CPA5: variants seen among roughly 807,000 people sequenced by gnomAD.
The protein encoded by CPA5 is carboxypeptidase A5.
CPA5 carries 38 observed loss-of-function variants against 52.2 expected under a neutral mutation model. The observed-to-expected ratio is 0.73, with a 90% CI of 0.56 to 0.95. The LOEUF is 0.95. Ranked by LOEUF, CPA5 falls within the 40% of genes least tolerant of loss-of-function variation. The pLI is 0.00. For synonymous variants in CPA5, 198 were observed against 213.7 expected (o/e 0.93, Z 0.64); for missense variants, 519 against 566.7 (o/e 0.92, Z 0.86).
intron 5 of CPA5, among the ~76,000 whole-genome samples, chr7:130,358,210 G>A (rs568896327): frequency 1.4e-4 from 22 of 152,130 alleles, no homozygotes; most frequent in African/African-American, 5.3e-4. Context: ...TGTTGCCCAG[G>A]CTGGTCTCAA....
intron 5 of CPA5, among the ~76,000 whole-genome samples, chr7:130,356,949 G>A (rs1259504561): frequency 6.6e-6 from 1 of 152,190 alleles, no homozygotes; most frequent in South Asian, 2.1e-4. Flanking sequence ...GGTCATGGTA[G>A]GCTGTTGAGA....
chr7:130,347,880 C>T (rs376540970), intron 4 of CPA5, 33 bp downstream of exon 4: 56 of 1,566,850 alleles, frequency 3.6e-5, no homozygotes, highest in Middle Eastern at 1.7e-4. Flanking sequence ...GACAACCCCA[C>T]CCCCTCCTCA....
intron 6 of CPA5, 35 bp downstream of exon 6, chr7:130,359,722 T>A: frequency 6.8e-7 from 1 of 1,468,654 alleles, no homozygotes. Context: ...GGCTCTCTTG[T>A]GTCTTTGGGC....
chr7:130,355,621 A>C (rs1204506955), intron 5 of CPA5, among the ~76,000 whole-genome samples: 1 of 152,162 alleles, frequency 6.6e-6, no homozygotes, highest in Non-Finnish European at 1.5e-5. Flanking sequence ...TGGCCAGGCC[A>C]GTCTTGAACT....
intron 3 of CPA5, 95 bp downstream of exon 3, chr7:130,346,696 A>G: frequency 1.0e-6 from 1 of 959,020 alleles, no homozygotes; most frequent in Non-Finnish European, 1.6e-6. Flanking sequence ...TGCCTGATCA[A>G]GGCGGAGAGT....
rs782000772 is a variant in CPA5 at position 130,367,509 on chromosome 7, T to G, written c.976T>G (p.Ser326Ala). The G allele has an allele frequency of 6.2e-7, 1 of 1,614,096 alleles. No homozygotes were observed. The highest frequency in any genetic ancestry group is 8.5e-7 in the Non-Finnish European group (1 of 1,180,004). ...FKALISIHSY[S>A]QMLMYPYGRL... Reference sequence around the variant, plus strand: ...GGCTCTGATCTCCATCCACAGCTACTCTCAGATGCTTATGTACCCTTACGG... The same window carrying G: ...GGCTCTGATCTCCATCCACAGCTACGCTCAGATGCTTATGTACCCTTACGG... Residue 326 changes from serine (S) to alanine (A), a missense_variant, in exon 11 of 13, where the codon TCT becomes GCT. Transcript: ENST00000474905.
intron 2 of CPA5, 152 bp downstream of exon 2, chr7:130,346,048 T>C (rs1424082640): frequency 6.5e-6 from 1 of 153,680 alleles, no homozygotes; most frequent in Admixed American, 6.5e-5. Context: ...CCACACCTTA[T>C]GTGTAAGGAG....
In CPA5 at chr7:130,365,097, A is replaced by G. The variant is rs1444462348; in HGVS notation, c.838+1588A>G. On this transcript the variant is annotated intron_variant, in intron 10 of 12. Coordinates refer to ENST00000474905, the MANE Select transcript of CPA5 (RefSeq NM_080385.5). The stretch of plus-strand genomic sequence containing the variant: ...TTAGATCTGGATGCCCATTGCTTTT[A>G]AAATCTGGCTTCTTGGGGTCTGTTC... 2.6e-5 allele frequency among the ~76,000 whole-genome samples: 4 copies of G among 152,232 alleles called. No homozygotes were observed. In the South Asian group the frequency reaches 8.3e-4, roughly 32 times the overall value.
At chr7:130,359,810 G>C in intron 6 of CPA5, 123 bp downstream of exon 6, 1 of 656,324 alleles carries the variant, frequency 1.5e-6, no homozygotes, top group Non-Finnish European at 2.7e-6. Context: ...GACACTTAGG[G>C]ACTGTACAGC....
At chr7:130,371,033 C>G (rs1262666224), downstream of CPA5, among the ~76,000 whole-genome samples, 1 of 152,188 alleles carries the variant, frequency 6.6e-6, no homozygotes, top group African/African-American at 2.4e-5. Flanking sequence ...TTGGCCCTAG[C>G]CTAAAGCAGT....
chr7:130,349,720 AAAAATTAAAAATTACAAAAAAACCT>A, intron 4 of CPA5, among the ~76,000 whole-genome samples: 1 of 36,872 alleles, frequency 2.7e-5, no homozygotes, highest in Admixed American at 3.9e-4. Flanking sequence ...ACGTACCCAC[AAAAATTAAAAATTACAAAAAAACCT>A]GTATCCCAAA....
At chr7:130,349,057 G>T (rs887364112) in intron 4 of CPA5, among the ~76,000 whole-genome samples, 2 of 152,096 alleles carry the variant, frequency 1.3e-5, no homozygotes, top group Non-Finnish European at 2.9e-5. Context: ...GCCCCAAAGC[G>T]CAAGAGTAGT....
In CPA5 at chr7:130,363,552, G is replaced by A. The variant is rs143860104; in HGVS notation, c.838+43G>A. On this transcript the variant is annotated intron_variant, in intron 10 of 12. Transcript: ENST00000474905. ...CCTGGGGCAGGGTTGGAGAAGAGGT[G>A]TTGGCCCATGGCAGGTTCTCCCACT... 210 of 1,488,964 alleles carry A rather than the reference G, an allele frequency of 1.4e-4. No homozygotes were observed. The African/African-American group carries it at 2.5e-3, about 18-fold the overall frequency. The allele number at this position is 1,488,964 out of a possible 1,614,324, so 92.2% of individuals were successfully genotyped here.
downstream of CPA5, among the ~76,000 whole-genome samples, chr7:130,373,495 AGGCAGTTT>A (rs1279856313): frequency 6.6e-6 from 1 of 152,228 alleles, no homozygotes; most frequent in African/African-American, 2.4e-5. Context: ...CAAACCAGGC[AGGCAGTTT>A]GGAATGTGAG....
In CPA5 at chr7:130,368,685, G is replaced by A. The variant is rs1796237746; in HGVS notation, c.*88G>A. The A allele has an allele frequency of 2.2e-6, 3 of 1,333,574 alleles. No individual in the cohort carries two copies. The African/African-American group carries it at 4.4e-5, about 20-fold the overall frequency. The allele number at this position is 1,333,574 out of a possible 1,614,324, so 82.6% of individuals were successfully genotyped here. On this transcript the variant is annotated 3_prime_UTR_variant, in exon 13 of 13. Coordinates refer to ENST00000474905, the MANE Select transcript of CPA5 (RefSeq NM_080385.5). ...CCAAGTTATGCATCCCCATCCCCAT[G>A]CCCTCATCCCGACCTCTTAGAAAAT...
chr7:130,359,468 G>A (rs1470153969), intron 5 of CPA5, 121 bp from the exon 6 acceptor site: 1 of 668,862 alleles, frequency 1.5e-6, no homozygotes, highest in East Asian at 2.8e-5. Context: ...TCACACTCAT[G>A]GTGGCTCATT....
intron 12 of CPA5, 39 bp downstream of exon 12, chr7:130,368,029 T>A: frequency 1.3e-6 from 2 of 1,570,756 alleles, no homozygotes; most frequent in Non-Finnish European, 1.8e-6. Flanking sequence ...AGACACCACA[T>A]CTACCTGGGG....
Position 130,361,203 on chromosome 7 carries a change from A to G in CPA5, c.493A>G (p.Ile165Val), listed in dbSNP as rs1157604789. The G allele has an allele frequency of 5.0e-6, 8 of 1,613,972 alleles. No homozygotes were observed. Among genetic ancestry groups the G allele is most frequent in the Non-Finnish European group, 6.8e-6 (8 of 1,179,944 alleles). Reference protein sequence around the residue: ...EHSDIVSKIQIGNSFENQSIL... With the variant: ...EHSDIVSKIQVGNSFENQSIL... ...TTCCGATATTGTCTCAAAAATTCAG[A>G]TTGGCAACAGCTTTGAAAACCAGTC... Residue 165 changes from isoleucine to valine, a missense_variant, in exon 7 of 13, where the codon ATT becomes GTT. Transcript: ENST00000474905.
At chr7:130,361,639 A>G (rs1795797101) in intron 7 of CPA5, among the ~76,000 whole-genome samples, 1 of 152,170 alleles carries the variant, frequency 6.6e-6, no homozygotes, top group African/African-American at 2.4e-5. Context: ...TCTGGCTTAG[A>G]CAGCCCTACA....
Sources: gnomAD v4.1 joint callset for allele counts (sites outside exome capture counted in the v4.1 genomes callset) on GRCh38, gnomAD v4.1.1 for gene constraint, MANE v1.5 for transcripts, NCBI Gene and HGNC (gene_info 2026-07-23, HGNC 2026-07-21) for gene names.